The following ZNF438 variants were observed in gnomAD, a reference collection of about 807,000 sequenced individuals.
ZNF438 encodes the protein zinc finger protein 438.
Under a neutral mutation model 38.0 loss-of-function variants are expected in ZNF438, and 25 were observed. The observed-to-expected ratio is 0.66, with a 90% CI of 0.48 to 0.92. The LOEUF (loss-of-function observed/expected upper bound fraction) is 0.92, where lower values mean the gene tolerates loss of function less well. Among genes scored for constraint, ZNF438 ranks in the 40% least tolerant of loss-of-function variants. The pLI, the probability that ZNF438 is intolerant of heterozygous loss-of-function variation, is 0.00. For missense variants in ZNF438, 1,007 were observed against 999.6 expected, an observed-to-expected ratio of 1.01 and a Z score of -0.10; for synonymous variants, 372 against 364.1, an observed-to-expected ratio of 1.02 and a Z score of -0.25.
At chr10:30,963,937 G>A (rs1388969141) in intron 1 of ZNF438, among the ~76,000 whole-genome samples, 1 of 152,018 alleles carries the variant, frequency 6.6e-6, no homozygotes, top group Non-Finnish European at 1.5e-5. Context: ...CTGTAGTCAT[G>A]AACAATAACT....
chr10:30,910,117 G>A (rs4749640), intron 2 of ZNF438, among the ~76,000 whole-genome samples: 65,015 of 151,908 alleles, frequency 0.43, 14,394 homozygotes, highest in Non-Finnish European at 0.47. Flanking sequence ...CAGGCTGGCT[G>A]CACAAAGACT....
intron 3 of ZNF438, among the ~76,000 whole-genome samples, chr10:30,896,103 G>T (rs1415344258): frequency 6.6e-6 from 1 of 152,016 alleles, no homozygotes; most frequent in East Asian, 1.9e-4. Context: ...AGACCATCCT[G>T]GCTAACACGG....
intron 1 of ZNF438, among the ~76,000 whole-genome samples, chr10:31,017,597 A>C (rs1370109431): frequency 6.6e-6 from 1 of 152,200 alleles, no homozygotes; most frequent in African/African-American, 2.4e-5. Context: ...TAAGCTTGTC[A>C]ACTCTCCTGT....
chr10:30,862,135 C>A (rs1358109069), intron 4 of ZNF438, among the ~76,000 whole-genome samples: 1 of 152,148 alleles, frequency 6.6e-6, no homozygotes, highest in Non-Finnish European at 1.5e-5. Context: ...ATCACAAATA[C>A]CTGTGCACGC....
intron 2 of ZNF438, among the ~76,000 whole-genome samples, chr10:30,938,956 G>A (rs549627363): frequency 6.6e-6 from 1 of 151,882 alleles, no homozygotes; most frequent in Non-Finnish European, 1.5e-5. Flanking sequence ...CACCACACCC[G>A]GCTAATTTTT....
intron 1 of ZNF438, among the ~76,000 whole-genome samples, chr10:30,968,684 C>A (rs947834902): frequency 1.3e-5 from 2 of 152,074 alleles, no homozygotes; most frequent in Non-Finnish European, 2.9e-5. Context: ...TCAGGTTATC[C>A]GCCCACCTAG....
At chr10:30,870,695 T>C (rs2037266792) in intron 4 of ZNF438, among the ~76,000 whole-genome samples, 1 of 152,242 alleles carries the variant, frequency 6.6e-6, no homozygotes, top group Non-Finnish European at 1.5e-5. Flanking sequence ...ATGTATCAGC[T>C]GTTGACAAAA....
In ZNF438 at chr10:30,922,037, C is replaced by A. The variant is rs77378477; in HGVS notation, c.-114-13022G>T. ...GGCCTTGTTCTTTCCATGTCTCATA[C>A]AGATTTTATTAAGAAATGGAGTACT... is the stretch of plus-strand genomic sequence containing the variant. On this transcript the variant is annotated intron_variant, in intron 2 of 5. Coordinates refer to ENST00000413025, the Ensembl canonical transcript of ZNF438. Among the ~76,000 whole-genome samples, 120 of 152,288 alleles carry A rather than the reference C, an allele frequency of 7.9e-4. No homozygotes were observed. In the East Asian group the frequency reaches 0.022, roughly 28 times the overall value.
At chr10:30,999,760 G>A (rs549437966) in intron 1 of ZNF438, among the ~76,000 whole-genome samples, 28 of 152,126 alleles carry the variant, frequency 1.8e-4, no homozygotes, top group Non-Finnish European at 2.2e-4. Flanking sequence ...TACTTTAATC[G>A]TTTTTAACTT....
At chr10:30,867,470 A>G (rs904133117) in intron 4 of ZNF438, among the ~76,000 whole-genome samples, 1 of 152,214 alleles carries the variant, frequency 6.6e-6, no homozygotes, top group Non-Finnish European at 1.5e-5. Context: ...AAATATTTCA[A>G]TATTTTTTAT....
At chr10:30,884,201 A>G (rs1452945318) in intron 3 of ZNF438, among the ~76,000 whole-genome samples, 2 of 152,172 alleles carry the variant, frequency 1.3e-5, no homozygotes, top group Non-Finnish European at 2.9e-5. Context: ...ACCCACTCAA[A>G]TGAAGCTGTA....
chr10:30,924,313 T>C (rs1205801547), intron 2 of ZNF438, among the ~76,000 whole-genome samples: 1 of 152,146 alleles, frequency 6.6e-6, no homozygotes, highest in East Asian at 1.9e-4. Context: ...CAGTCTAAAA[T>C]CCATCTCCCT....
intron 3 of ZNF438, among the ~76,000 whole-genome samples, chr10:30,887,783 A>T (rs2040155008): frequency 6.6e-6 from 1 of 152,186 alleles, no homozygotes; most frequent in South Asian, 2.1e-4. Context: ...CCTATTGAAA[A>T]TATATAATAT....
At chr10:30,950,854 T>C (rs1273249037) in intron 1 of ZNF438, among the ~76,000 whole-genome samples, 1 of 115,164 alleles carries the variant, frequency 8.7e-6, no homozygotes, top group African/African-American at 3.6e-5. Flanking sequence ...TCTGAAATTA[T>C]TCCAATCAAT....
intron 1 of ZNF438, among the ~76,000 whole-genome samples, chr10:31,027,638 T>C (rs1002635094): frequency 2.6e-5 from 4 of 152,190 alleles, no homozygotes; most frequent in African/African-American, 9.7e-5. Context: ...TATGGGTATC[T>C]GATGTTCCTG....
chr10:30,939,057 G>A (rs962446955), intron 2 of ZNF438, among the ~76,000 whole-genome samples: 1 of 152,192 alleles, frequency 6.6e-6, no homozygotes, highest in Non-Finnish European at 1.5e-5. Flanking sequence ...GCCTCCCAAA[G>A]TGCTGGGATT....
chr10:30,850,171 C>T lies in ZNF438; in HGVS notation c.234G>A (p.Gln78=), dbSNP rs1173757512. ...CAGCAACCTGCATCAGGGCATAGTT[C>T]TGGGTGGACATCCCCAGCAGCTTGG... The change falls in exon 5 of 6, where the codon CAG becomes CAA. Residue 78 remains glutamine, a synonymous_variant. Coordinates refer to ENST00000413025, the Ensembl canonical transcript of ZNF438. 3.7e-6 allele frequency: 6 copies of T among 1,614,108 alleles called. No individual in the cohort carries two copies. The South Asian group carries it at 4.4e-5, about 12-fold the overall frequency.
chr10:30,906,421 C>T (rs2042591065), intron 3 of ZNF438, among the ~76,000 whole-genome samples: 1 of 152,116 alleles, frequency 6.6e-6, no homozygotes, highest in Non-Finnish European at 1.5e-5. Flanking sequence ...TTATATTGAT[C>T]TTGTATCTTT....
chr10:31,000,020 C>T (rs978938749), intron 1 of ZNF438, among the ~76,000 whole-genome samples: 1 of 152,146 alleles, frequency 6.6e-6, no homozygotes, highest in Non-Finnish European at 1.5e-5. Context: ...AACTTTATCT[C>T]TTTTTTGTAG....
Sources: gnomAD v4.1 joint callset for allele counts (sites outside exome capture counted in the v4.1 genomes callset) on GRCh38, gnomAD v4.1.1 for gene constraint, MANE v1.5 for transcripts, NCBI Gene and HGNC (gene_info 2026-07-23, HGNC 2026-07-21) for gene names.